KAZN: variants seen among roughly 807,000 people sequenced by gnomAD.
KAZN encodes the protein kazrin.
Under a neutral mutation model 87.4 loss-of-function variants are expected in KAZN, and 40 were observed. The ratio of observed to expected loss-of-function variants is 0.46; its 90% CI spans 0.36 to 0.60. The LOEUF is 0.60. KAZN is among the 20% of genes least tolerant of loss of function. The pLI, the probability that KAZN is intolerant of heterozygous loss-of-function variation, is 0.00. For missense variants in KAZN, 898 were observed against 1,073.9 expected, an observed-to-expected ratio of 0.84 and a Z score of 2.29; for synonymous variants, 466 against 458.3, an observed-to-expected ratio of 1.02 and a Z score of -0.22.
intron 1 of KAZN, among the ~76,000 whole-genome samples, chr1:14,086,971 C>A (rs1643872960): frequency 6.6e-6 from 1 of 152,112 alleles, no homozygotes; most frequent in Non-Finnish European, 1.5e-5. Flanking sequence ...TGTAAGGCCT[C>A]CAACTTTTTC....
At chr1:15,101,164 T>TCTCTCTCTCTCTCTCTCTCTCTCTC (rs1553190085) in intron 10 of KAZN, among the ~76,000 whole-genome samples, 6 of 127,842 alleles carry the variant, frequency 4.7e-5, no homozygotes, top group South Asian at 5.5e-4. Context: ...GTCTCGGTCT[T>TCTCTCTCTCTCTCTCTCTCTCTCTC]TCTCTCTCTC....
chr1:15,098,068 C>T (rs1050411677), intron 10 of KAZN, among the ~76,000 whole-genome samples: 3 of 152,276 alleles, frequency 2.0e-5, no homozygotes, highest in Non-Finnish European at 2.9e-5. Flanking sequence ...CAATTCTCCC[C>T]GTTTTACAGA....
intron 1 of KAZN, among the ~76,000 whole-genome samples, chr1:13,993,765 T>A (rs932674657): frequency 2.6e-5 from 4 of 152,170 alleles, no homozygotes; most frequent in African/African-American, 9.7e-5. Flanking sequence ...GGTAAAGTGA[T>A]GGAGAGTGAC....
intron 1 of KAZN, among the ~76,000 whole-genome samples, chr1:14,144,444 G>A (rs1645304118): frequency 6.6e-6 from 1 of 151,998 alleles, no homozygotes; most frequent in Non-Finnish European, 1.5e-5. Context: ...CTTAGTTACT[G>A]TCTTAGTTTA....
chr1:14,322,058 A>C (rs17399728), intron 2 of KAZN, among the ~76,000 whole-genome samples: 11,132 of 152,196 alleles, frequency 0.073, 573 homozygotes, highest in Non-Finnish European at 0.11. Flanking sequence ...TCAGGACTTA[A>C]TTTTTGAAGC....
chr1:14,400,251 C>T (rs1212052655), intron 2 of KAZN, among the ~76,000 whole-genome samples: 2 of 152,158 alleles, frequency 1.3e-5, no homozygotes, highest in Non-Finnish European at 2.9e-5. Context: ...ATCTCAACAT[C>T]TCTAAGAGCA....
chr1:14,280,369 TC>T (rs1289275995), intron 2 of KAZN, among the ~76,000 whole-genome samples: 1 of 43,356 alleles, frequency 2.3e-5, no homozygotes, highest in Non-Finnish European at 3.7e-5. Flanking sequence ...AGACTCCATC[TC>T]AAAAAAAAAA....
chr1:14,939,344 G>A (rs371582347), intron 1 of KAZN, among the ~76,000 whole-genome samples: 80 of 151,426 alleles, frequency 5.3e-4, no homozygotes, highest in Middle Eastern at 3.5e-3. Context: ...ATCATTGCTC[G>A]CTTCAGCCTC....
intron 1 of KAZN, among the ~76,000 whole-genome samples, chr1:14,634,645 A>T (rs1679828198): frequency 6.6e-6 from 1 of 152,144 alleles, no homozygotes. Flanking sequence ...CATCCTGTTT[A>T]TGTGGCTCCT....
chr1:14,522,176 G>T (rs184643041), intron 2 of KAZN, among the ~76,000 whole-genome samples: 142 of 152,254 alleles, frequency 9.3e-4, no homozygotes, highest in Non-Finnish European at 1.0e-3. Context: ...GATTAAGTAA[G>T]ATATAATTTT....
chr1:14,399,938 G>A (rs190450736), intron 2 of KAZN, among the ~76,000 whole-genome samples: 28 of 152,238 alleles, frequency 1.8e-4, no homozygotes, highest in Admixed American at 4.6e-4. Context: ...ACTTAACGGA[G>A]TGACTTTTGT....
chr1:14,180,002 T>G (rs1570950764), intron 1 of KAZN, among the ~76,000 whole-genome samples: 2 of 152,206 alleles, frequency 1.3e-5, no homozygotes, highest in African/African-American at 4.8e-5. Context: ...TGCTTAGAGG[T>G]ACAATAGCCA....
chr1:14,684,705 C>T (rs1487460450), intron 1 of KAZN, among the ~76,000 whole-genome samples: 1 of 152,146 alleles, frequency 6.6e-6, no homozygotes, highest in African/African-American at 2.4e-5. Flanking sequence ...AGCATCTTCT[C>T]TCTCTGACTC....
chr1:14,558,920 C>T (rs1389124554), intron 2 of KAZN, among the ~76,000 whole-genome samples: 6 of 152,154 alleles, frequency 3.9e-5, no homozygotes, highest in Non-Finnish European at 5.9e-5. Context: ...AGGAGTCTCT[C>T]TCTTCTTTCT....
chr1:14,244,460 G>C (rs1445094099), intron 2 of KAZN, among the ~76,000 whole-genome samples: 1 of 152,184 alleles, frequency 6.6e-6, no homozygotes, highest in African/African-American at 2.4e-5. Flanking sequence ...ATTCATTTGA[G>C]TGATGTTTTC....
Position 15,089,333 on chromosome 1 carries a change from C to T in KAZN, c.1223-4847C>T, listed in dbSNP as rs567321431. On this transcript the variant is annotated intron_variant, in intron 8 of 14. Coordinates refer to ENST00000376030, the MANE Select transcript of KAZN (RefSeq NM_201628.3). ...CACAGAACGGACAGATCCACCCTCA[C>T]CTCACTGAGAGCCCCACCCCTCCCA... Among the ~76,000 whole-genome samples, 36 of 152,098 alleles carry T rather than the reference C, an allele frequency of 2.4e-4. 1 individual carries two copies. In the South Asian group the frequency reaches 2.5e-3, roughly 11 times the overall value.
intron 1 of KAZN, among the ~76,000 whole-genome samples, chr1:14,613,581 CA>C (rs1677983072): frequency 6.6e-6 from 1 of 152,142 alleles, no homozygotes; most frequent in African/African-American, 2.4e-5. Flanking sequence ...TACATAAATG[CA>C]AAAGATTACA....
At chr1:14,452,233 C>A (rs1283906057) in intron 2 of KAZN, among the ~76,000 whole-genome samples, 3 of 152,178 alleles carry the variant, frequency 2.0e-5, no homozygotes, top group Non-Finnish European at 4.4e-5. Context: ...AGCTACCATG[C>A]CTGGCCAACT....
rs577947589 is a variant in KAZN, at chr1:14,336,011, T to C, written c.249+155419T>C. 9.3e-4 allele frequency among the ~76,000 whole-genome samples: 142 copies of C among 152,288 alleles called. 3 individuals carry two copies. The South Asian group carries it at 9.7e-3, about 10-fold the overall frequency. On this transcript the variant is annotated intron_variant, in intron 2 of 16. Transcript: ENST00000636203. ...ACTGGGGTGTCCCTCACCACGGAAG[T>C]AGCAGCAGAGGAGAGGGAAGTGCTG...
Sources: allele counts gnomAD v4.1 joint callset (sites outside exome capture counted in the v4.1 genomes callset), GRCh38; gene constraint gnomAD v4.1.1; transcripts MANE v1.5; gene names NCBI Gene and HGNC (gene_info 2026-07-23, HGNC 2026-07-21).